Variants in CRPPA observed in about 807,000 individuals in gnomAD.
The protein encoded by CRPPA is D-ribitol-5-phosphate cytidylyltransferase.
A neutral mutation model predicts 52.0 loss-of-function variants in CRPPA; 43 were observed. The observed-to-expected ratio is 0.83, with a 90% CI of 0.65 to 1.07. The LOEUF (loss-of-function observed/expected upper bound fraction) is 1.07. Among genes scored for constraint, CRPPA ranks in the 50% least tolerant of loss-of-function variants. CRPPA has a pLI of 0.00. For missense variants in CRPPA, 629 were observed against 551.7 expected, an observed-to-expected ratio of 1.14 and a Z score of -1.40; for synonymous variants, 250 against 203.5, an observed-to-expected ratio of 1.23 and a Z score of -1.94.
At chr7:16,196,196 G>A (rs1448391045) in intron 9 of CRPPA, among the ~76,000 whole-genome samples, 1 of 152,132 alleles carries the variant, frequency 6.6e-6, no homozygotes, top group Non-Finnish European at 1.5e-5. Flanking sequence ...AAGCACAGTG[G>A]TGCATCTGAG....
intron 8 of CRPPA, among the ~76,000 whole-genome samples, chr7:16,254,266 C>T (rs1434836463): frequency 1.3e-5 from 2 of 152,110 alleles, no homozygotes; most frequent in Non-Finnish European, 2.9e-5. Flanking sequence ...ATAAATCATG[C>T]TACTATAAAG....
intron 4 of CRPPA, among the ~76,000 whole-genome samples, chr7:16,306,533 G>T (rs1345697246): frequency 6.6e-6 from 1 of 152,208 alleles, no homozygotes; most frequent in African/African-American, 2.4e-5. Context: ...TCTCAAGAGT[G>T]CTTTACAAAC....
rs545663821 is a variant in CRPPA, at chr7:16,303,477, T to TAAAAAAAAAAAAAAAAAAAAAAAA, written c.790-2035_790-2012dup. Among the ~76,000 whole-genome samples the TAAAAAAAAAAAAAAAAAAAAAAAA allele has an allele frequency of 9.3e-4, 42 of 44,972 alleles. 6 individuals are homozygous for TAAAAAAAAAAAAAAAAAAAAAAAA. Among genetic ancestry groups the TAAAAAAAAAAAAAAAAAAAAAAAA allele is most frequent in the East Asian group, 7.4e-3 (7 of 948 alleles). 29.5% of individuals were successfully genotyped at this position (44,972 alleles called of 152,430 possible). A position where few individuals can be genotyped will look rare whatever the true frequency, so the allele number is the denominator to read the frequency against. ...GTTTCTGTGTTGAGACATAAAATAG[T>TAAAAAAAAAAAAAAAAAAAAAAAA]AAAAAAAAAAAAAAAAAAAAAAAAA... On this transcript the variant is annotated intron_variant, in intron 4 of 9. Transcript: ENST00000407010.
intron 9 of CRPPA, among the ~76,000 whole-genome samples, chr7:16,184,693 A>C (rs928948001): frequency 6.6e-6 from 1 of 152,226 alleles, no homozygotes; most frequent in Non-Finnish European, 1.5e-5. Flanking sequence ...ACAAAGGGAA[A>C]GTCCTACAGT....
intron 8 of CRPPA, among the ~76,000 whole-genome samples, chr7:16,237,808 T>A (rs1373491318): frequency 1.3e-5 from 2 of 152,216 alleles, no homozygotes; most frequent in African/African-American, 2.4e-5. Context: ...TTCCTTCAGT[T>A]TCAGACACAC....
chr7:16,208,262 T>G (rs1474715122), intron 9 of CRPPA, among the ~76,000 whole-genome samples: 1 of 152,168 alleles, frequency 6.6e-6, no homozygotes, highest in Non-Finnish European at 1.5e-5. Context: ...AAACAAGGGA[T>G]AAGGGATAAT....
Position 16,152,199 on chromosome 7 carries a change from G to A in CRPPA, c.1252-60400C>T, listed in dbSNP as rs554290133. On this transcript the variant is annotated intron_variant, in intron 9 of 9. Coordinates refer to ENST00000407010, the MANE Select transcript of CRPPA (RefSeq NM_001101426.4). ...AGACCATGTAATTCTAGCATTTTAT[G>A]TATAAGCAGATAAGTATTTTACAAT... Among the ~76,000 whole-genome samples the A allele has an allele frequency of 5.9e-5, 9 of 152,048 alleles. No homozygotes were observed. In the East Asian group the frequency reaches 1.5e-3, roughly 26 times the overall value.
In CRPPA at chr7:16,091,635, C is replaced by T. The variant is rs1528137; in HGVS notation, c.*60G>A. 783,739 of 927,098 alleles carry T rather than the reference C, an allele frequency of 0.85. 333,330 individuals are homozygous for T. The highest frequency in any genetic ancestry group is 0.91 in the Admixed American group (39,907 of 43,794). The allele number at this position is 927,098 out of a possible 1,614,324, so 57.4% of individuals were successfully genotyped here. A position where few individuals can be genotyped will look rare whatever the true frequency, so the allele number is the denominator to read the frequency against. Reference sequence around the variant, plus strand: ...TCTACCACACACAGCAGCGGGGGCACAAAGCACAATTAAGATACGCAAATA... The same window carrying T: ...TCTACCACACACAGCAGCGGGGGCATAAAGCACAATTAAGATACGCAAATA... On this transcript the variant is annotated 3_prime_UTR_variant, in exon 10 of 10. Transcript: ENST00000407010.
intron 9 of CRPPA, among the ~76,000 whole-genome samples, chr7:16,213,123 C>G (rs1331786078): frequency 6.6e-6 from 1 of 152,168 alleles, no homozygotes; most frequent in Admixed American, 6.5e-5. Context: ...ACTACACACT[C>G]TAAGCTATTG....
At chr7:16,289,995 C>A (rs1176366523) in intron 5 of CRPPA, among the ~76,000 whole-genome samples, 2 of 151,878 alleles carry the variant, frequency 1.3e-5, no homozygotes, top group African/African-American at 4.8e-5. Context: ...ATTCAACATA[C>A]AAAAATCAGT....
chr7:16,097,403 G>C (rs929657179), intron 9 of CRPPA, among the ~76,000 whole-genome samples: 48 of 151,772 alleles, frequency 3.2e-4, no homozygotes, highest in African/African-American at 1.1e-3. Flanking sequence ...GAATTATTTA[G>C]GATTAAAATT....
chr7:16,243,704 G>A (rs908084053), intron 8 of CRPPA, among the ~76,000 whole-genome samples: 2 of 152,094 alleles, frequency 1.3e-5, no homozygotes, highest in African/African-American at 2.4e-5. Context: ...CAGTGGCTAC[G>A]TCTGTAATCC....
chr7:16,296,839 A>G (rs1784684667), intron 5 of CRPPA, among the ~76,000 whole-genome samples: 1 of 152,202 alleles, frequency 6.6e-6, no homozygotes, highest in South Asian at 2.1e-4. Context: ...CTGTGATGCC[A>G]GTAACAAACA....
At chr7:16,225,574 T>A (rs1055061062) in intron 8 of CRPPA, among the ~76,000 whole-genome samples, 30 of 151,950 alleles carry the variant, frequency 2.0e-4, no homozygotes, top group Non-Finnish European at 2.7e-4. Context: ...AAAAAGCAGG[T>A]ATATGCTTCT....
At chr7:16,295,538 G>A (rs1396284469) in intron 5 of CRPPA, among the ~76,000 whole-genome samples, 2 of 152,012 alleles carry the variant, frequency 1.3e-5, no homozygotes, top group African/African-American at 4.8e-5. Context: ...AATGTTAAAA[G>A]TACTCTTTAG....
intron 5 of CRPPA, among the ~76,000 whole-genome samples, chr7:16,300,446 T>C (rs189783076): frequency 9.2e-5 from 14 of 152,322 alleles, no homozygotes; most frequent in Admixed American, 3.3e-4. Flanking sequence ...TAACACACTG[T>C]AAAGCATCAC....
At chr7:16,138,298 G>C (rs1260295091) in intron 9 of CRPPA, among the ~76,000 whole-genome samples, 2 of 152,124 alleles carry the variant, frequency 1.3e-5, no homozygotes, top group African/African-American at 4.8e-5. Context: ...CTCAAGAAGA[G>C]AATTTGTCTG....
At chr7:16,317,703 A>G (rs1785175106) in intron 3 of CRPPA, among the ~76,000 whole-genome samples, 1 of 152,180 alleles carries the variant, frequency 6.6e-6, no homozygotes, top group Admixed American at 6.5e-5. Context: ...CAATGCATCA[A>G]TGATGTTTCA....
chr7:16,092,777 G>C (rs1354311578), intron 9 of CRPPA, among the ~76,000 whole-genome samples: 2 of 152,152 alleles, frequency 1.3e-5, no homozygotes, highest in Non-Finnish European at 2.9e-5. Flanking sequence ...GATAAAGTCT[G>C]ATCCCATTAC....
Sources: gnomAD v4.1 joint callset for allele counts (sites outside exome capture counted in the v4.1 genomes callset) on GRCh38, gnomAD v4.1.1 for gene constraint, MANE v1.5 for transcripts, NCBI Gene and HGNC (gene_info 2026-07-23, HGNC 2026-07-21) for gene names.